The following SHISA6 variants were observed in gnomAD, a reference collection of about 807,000 sequenced individuals.
The protein encoded by SHISA6 is shisa family member 6.
In SHISA6, 22 loss-of-function variants were observed where a neutral mutation model predicts 47.9. The ratio of observed to expected loss-of-function variants is 0.46; its 90% CI spans 0.33 to 0.66. The LOEUF (loss-of-function observed/expected upper bound fraction) is 0.66, where lower values mean the gene tolerates loss of function less well. Among genes scored for constraint, SHISA6 ranks in the 30% least tolerant of loss-of-function variants. SHISA6 has a pLI of 0.02. For missense variants in SHISA6, 680 were observed against 764.6 expected (o/e 0.89, Z 1.30); for synonymous variants, 388 against 337.8 (o/e 1.15, Z -1.63).
intron 3 of SHISA6, among the ~76,000 whole-genome samples, chr17:11,426,002 T>A (rs547611466): frequency 7.9e-5 from 12 of 152,332 alleles, no homozygotes; most frequent in African/African-American, 2.9e-4. Flanking sequence ...CACTGTGGAA[T>A]GAGCACAAAT....
intron 3 of SHISA6, among the ~76,000 whole-genome samples, chr17:11,399,706 G>A (rs1255155032): frequency 6.6e-6 from 1 of 152,190 alleles, no homozygotes; most frequent in Non-Finnish European, 1.5e-5. Context: ...ACAGGCATGA[G>A]GCACTGCGCC....
At chr17:11,504,659 C>A (rs1298036112) in intron 3 of SHISA6, among the ~76,000 whole-genome samples, 1 of 152,100 alleles carries the variant, frequency 6.6e-6, no homozygotes, top group Non-Finnish European at 1.5e-5. Context: ...AATCCAAGGA[C>A]CTTGTAGCTT....
intron 2 of SHISA6, among the ~76,000 whole-genome samples, chr17:11,318,456 T>C (rs1910595522): frequency 6.6e-6 from 1 of 152,180 alleles, no homozygotes; most frequent in African/African-American, 2.4e-5. Flanking sequence ...GAATGCTGTC[T>C]TCACATGTAC....
chr17:11,447,280 T>A (rs1206505240), intron 3 of SHISA6, among the ~76,000 whole-genome samples: 1 of 152,244 alleles, frequency 6.6e-6, no homozygotes, highest in African/African-American at 2.4e-5. Context: ...AGGTAGTCTC[T>A]GAATTAAGGA....
intron 2 of SHISA6, among the ~76,000 whole-genome samples, chr17:11,295,047 C>T (rs564082361): frequency 3.9e-5 from 6 of 152,266 alleles, no homozygotes; most frequent in Admixed American, 2.0e-4. Flanking sequence ...GGCAGGTATC[C>T]GGTACAGTGT....
chr17:11,495,093 G>C (rs907868128), intron 3 of SHISA6, among the ~76,000 whole-genome samples: 4 of 152,142 alleles, frequency 2.6e-5, no homozygotes, highest in African/African-American at 9.7e-5. Context: ...GGAATAAGCT[G>C]ATCATCCTGC....
At chr17:11,456,130 A>G (rs182236034) in intron 3 of SHISA6, among the ~76,000 whole-genome samples, 116 of 152,334 alleles carry the variant, frequency 7.6e-4, no homozygotes, top group Non-Finnish European at 1.5e-3. Context: ...ATCCTTGTGC[A>G]TGCAGGAGGC....
chr17:11,334,442 G>A (rs963455866), intron 2 of SHISA6, among the ~76,000 whole-genome samples: 1 of 152,196 alleles, frequency 6.6e-6, no homozygotes, highest in Non-Finnish European at 1.5e-5. Context: ...TCGACTCACA[G>A]GTGGCCATCT....
intron 2 of SHISA6, among the ~76,000 whole-genome samples, chr17:11,267,318 A>G (rs1908461921): frequency 6.6e-6 from 1 of 152,200 alleles, no homozygotes; most frequent in Non-Finnish European, 1.5e-5. Flanking sequence ...CTTGTTAGAA[A>G]TGCAGAATCT....
intron 3 of SHISA6, among the ~76,000 whole-genome samples, chr17:11,463,073 C>G (rs1437742716): frequency 6.6e-6 from 1 of 152,186 alleles, no homozygotes; most frequent in African/African-American, 2.4e-5. Context: ...CAGTGTTATT[C>G]ACATTTTCAA....
intron 2 of SHISA6, among the ~76,000 whole-genome samples, chr17:11,347,273 A>ACAG (rs1567580227): frequency 1.3e-5 from 2 of 152,294 alleles, no homozygotes; most frequent in East Asian, 1.9e-4. Context: ...AACAACAACA[A>ACAG]CAGCAGCAGC....
chr17:11,416,587 A>T (rs760466903), intron 3 of SHISA6, among the ~76,000 whole-genome samples: 2 of 152,230 alleles, frequency 1.3e-5, no homozygotes, highest in Non-Finnish European at 2.9e-5. Context: ...AATGAAAATT[A>T]CTTGGATTTT....
At chr17:11,493,384 G>A (rs113771260) in intron 3 of SHISA6, among the ~76,000 whole-genome samples, 25 of 152,070 alleles carry the variant, frequency 1.6e-4, no homozygotes, top group African/African-American at 5.3e-4. Flanking sequence ...ATGCCACCAC[G>A]CTCAGCTAAT....
intron 2 of SHISA6, among the ~76,000 whole-genome samples, chr17:11,372,894 G>T (rs1912673826): frequency 6.6e-6 from 1 of 152,080 alleles, no homozygotes; most frequent in Non-Finnish European, 1.5e-5. Context: ...AGGCTCTAAA[G>T]ATGGAGAATT....
intron 2 of SHISA6, among the ~76,000 whole-genome samples, chr17:11,371,649 G>A (rs752251465): frequency 6.6e-5 from 10 of 151,786 alleles, no homozygotes; most frequent in African/African-American, 1.2e-4. Context: ...GGCCCCTCTC[G>A]TTTCCTGGCC....
intron 3 of SHISA6, among the ~76,000 whole-genome samples, chr17:11,490,721 T>C (rs1916454941): frequency 6.6e-6 from 1 of 152,176 alleles, no homozygotes; most frequent in Non-Finnish European, 1.5e-5. Context: ...TCCTTGGTGT[T>C]TCTGGTCTTG....
At chr17:11,426,026 A>C (rs1310588722) in intron 3 of SHISA6, among the ~76,000 whole-genome samples, 2 of 152,174 alleles carry the variant, frequency 1.3e-5, no homozygotes, top group East Asian at 3.8e-4. Flanking sequence ...CCTCAACCAT[A>C]TAAGCTAAGA....
chr17:11,543,225 A>T (rs912857801), intron 3 of SHISA6, among the ~76,000 whole-genome samples: 4 of 152,214 alleles, frequency 2.6e-5, no homozygotes, highest in African/African-American at 9.6e-5. Flanking sequence ...AATAATTTTT[A>T]TACTGCATTG....
At chr17:11,454,778 C>A (rs1340586650) in intron 3 of SHISA6, among the ~76,000 whole-genome samples, 1 of 152,190 alleles carries the variant, frequency 6.6e-6, no homozygotes, top group Non-Finnish European at 1.5e-5. Flanking sequence ...TTATCTATTT[C>A]TTTCCGATTC....
Sources: allele counts gnomAD v4.1 joint callset (sites outside exome capture counted in the v4.1 genomes callset), GRCh38; gene constraint gnomAD v4.1.1; transcripts MANE v1.5; gene names NCBI Gene and HGNC (gene_info 2026-07-23, HGNC 2026-07-21).